Variants in PHGDH observed in about 807,000 individuals in gnomAD.
PHGDH encodes D-3-phosphoglycerate dehydrogenase.
Under a neutral mutation model 52.6 loss-of-function variants are expected in PHGDH, and 50 were observed. The observed-to-expected ratio is 0.95, with a 90% CI of 0.76 to 1.20. The LOEUF (loss-of-function observed/expected upper bound fraction) is 1.20. Among genes scored for constraint, PHGDH ranks in the 50% most tolerant of loss-of-function variants. PHGDH has a pLI of 0.00. For missense variants in PHGDH, 630 were observed against 684.6 expected (o/e 0.92, Z 0.89); for synonymous variants, 271 against 280.5 (o/e 0.97, Z 0.34).
Position 119,743,894 on chromosome 1 carries a change from G to A in PHGDH, c.1456G>A (p.Ala486Thr), listed in dbSNP as rs751189591. The change falls in exon 12 of 12, where the codon GCA becomes ACA. Residue 486 changes from alanine to threonine, a missense_variant. Transcript: ENST00000641023. ...AMLPTMIGLLAEAGVRLLSYQ... is the reference protein window; with the variant it reads ...AMLPTMIGLLTEAGVRLLSYQ... ...GTTTCTTCTATTTCCAGGCCTCCTG[G>A]CAGAGGCAGGCGTGCGGCTGCTGTC... 1.4e-5 allele frequency: 23 copies of A among 1,613,204 alleles called. No individual in the cohort carries two copies. The highest frequency in any genetic ancestry group is 1.9e-5 in the Non-Finnish European group (22 of 1,179,230).
chr1:119,738,484 T>G (rs1471066650), intron 8 of PHGDH, among the ~76,000 whole-genome samples: 2 of 152,236 alleles, frequency 1.3e-5, no homozygotes, highest in Non-Finnish European at 2.9e-5. Flanking sequence ...TCCTCTATGC[T>G]GTGTGGGCTC....
chr1:119,722,130 T>C (rs2101157254), intron 2 of PHGDH, among the ~76,000 whole-genome samples: 1 of 152,300 alleles, frequency 6.6e-6, no homozygotes, highest in South Asian at 2.1e-4. Flanking sequence ...ACAGCAGAAA[T>C]GTTAAACGAT....
At chr1:119,721,520 C>G (rs930943821) in intron 2 of PHGDH, 199 bp downstream of exon 2, 2 of 583,368 alleles carry the variant, frequency 3.4e-6, no homozygotes, top group South Asian at 4.3e-5. Flanking sequence ...CTATGCTCAC[C>G]ACTATATCAC....
intron 1 of PHGDH, among the ~76,000 whole-genome samples, chr1:119,716,255 A>G (rs1030789018): frequency 2.0e-5 from 3 of 152,166 alleles, no homozygotes; most frequent in Admixed American, 2.0e-4. Flanking sequence ...CCTGATGCTC[A>G]TCTGTAGGAG....
rs587610824 is a variant in PHGDH at position 119,734,863 on chromosome 1, G to A, written c.643+97G>A. ...GGCCTTCCCCAGACAGTGGTAACCAGCTGTGGGGAGAGGTCCACCTGGGTC... is the reference window on the plus strand; with the variant it reads ...GGCCTTCCCCAGACAGTGGTAACCAACTGTGGGGAGAGGTCCACCTGGGTC... On this transcript the variant is annotated intron_variant, in intron 6 of 11. Transcript: ENST00000641023. 2.1e-4 allele frequency: 291 copies of A among 1,359,094 alleles called. 2 individuals carry two copies. In the Admixed American group the frequency reaches 4.8e-3, roughly 22 times the overall value. 84.2% of individuals were successfully genotyped at this position (1,359,094 alleles called of 1,614,324 possible). A position where few individuals can be genotyped will look rare whatever the true frequency, so the allele number is the denominator to read the frequency against.
intron 11 of PHGDH, among the ~76,000 whole-genome samples, chr1:119,743,365 C>G (rs1386370450): frequency 6.6e-6 from 1 of 152,192 alleles, no homozygotes; most frequent in Non-Finnish European, 1.5e-5. Context: ...AGCCCAGGAG[C>G]TCAGGGACAT....
chr1:119,730,229 T>G (rs981188539), intron 5 of PHGDH, among the ~76,000 whole-genome samples: 1 of 152,194 alleles, frequency 6.6e-6, no homozygotes, highest in African/African-American at 2.4e-5. Flanking sequence ...AGACAGGAAA[T>G]GAGGATAAGT....
chr1:119,715,012 A>G (rs1409099098), intron 1 of PHGDH, among the ~76,000 whole-genome samples: 2 of 152,236 alleles, frequency 1.3e-5, no homozygotes, highest in African/African-American at 4.8e-5. Context: ...CTTGTTTGGA[A>G]CTCACATCTT....
At position 119,727,048 on chromosome 1, in the gene PHGDH, C is replaced by T; in HGVS notation, c.456C>T (p.Gly152=). The T allele has an allele frequency of 6.2e-7, 1 of 1,613,584 alleles. No homozygotes were observed. Among genetic ancestry groups the T allele is most frequent in the Non-Finnish European group, 8.5e-7 (1 of 1,179,478 alleles). ...ATGGAAAGACCCTGGGAATTCTTGG[C>T]CTGGGCAGGATTGGGAGAGAGGTAG... ...ELNGKTLGIL[G]LGRIGREVAT... is the part of the protein sequence containing the mutation. Residue 152 remains glycine, a synonymous_variant, in exon 5 of 12, where the codon GGC becomes GGT. Coordinates refer to ENST00000641023, the MANE Select transcript of PHGDH (RefSeq NM_006623.4).
chr1:119,719,555 C>T (rs1035091269), intron 1 of PHGDH: 1 of 152,228 alleles, frequency 6.6e-6, no homozygotes, highest in African/African-American at 2.4e-5. Context: ...TGCATAAACA[C>T]CTCCAGAGGA....
rs1178614508 is a variant in PHGDH at position 119,727,087 on chromosome 1, G to T, written c.495G>T (p.Gln165His). 1.2e-6 allele frequency: 2 copies of T among 1,600,026 alleles called. No homozygotes were observed. The highest frequency in any genetic ancestry group is 4.5e-5 in the East Asian group (2 of 44,826). Residue 165 changes from glutamine (Q) to histidine (H), a missense_variant, in exon 5 of 12, where the codon CAG becomes CAT. Coordinates refer to ENST00000641023, the MANE Select transcript of PHGDH (RefSeq NM_006623.4). ...GGAGAGAGGTAGCTACCCGGATGCA[G>T]TCCTTTGGGATGAAGGTAAGATGTT... ...RIGREVATRM[Q>H]SFGMKTIGYD...
intron 9 of PHGDH, among the ~76,000 whole-genome samples, chr1:119,741,214 C>T (rs1652192655): frequency 6.6e-6 from 1 of 152,148 alleles, no homozygotes; most frequent in Non-Finnish European, 1.5e-5. Context: ...CCCATGGACT[C>T]TTGGGTGTCT....
chr1:119,734,868 G>T, intron 6 of PHGDH, 102 bp downstream of exon 6: 1 of 1,321,486 alleles, frequency 7.6e-7, no homozygotes, highest in African/African-American at 1.4e-5. Context: ...AACCAGCTGT[G>T]GGGAGAGGTC....
intron 1 of PHGDH, chr1:119,714,458 T>C (rs1264054219): frequency 2.6e-5 from 4 of 152,220 alleles, no homozygotes; most frequent in Admixed American, 2.0e-4. Context: ...GTAGGAAATA[T>C]CAGACAGCAA....
intron 1 of PHGDH, among the ~76,000 whole-genome samples, chr1:119,714,993 A>T (rs587756912): frequency 6.6e-6 from 1 of 152,232 alleles, no homozygotes; most frequent in Non-Finnish European, 1.5e-5. Flanking sequence ...GCTTAAAATA[A>T]TAAAGCATCT....
chr1:119,741,281 C>T (rs187233135), intron 9 of PHGDH, among the ~76,000 whole-genome samples: 64 of 152,252 alleles, frequency 4.2e-4, no homozygotes, highest in Non-Finnish European at 1.3e-4. Context: ...ATTGACAATA[C>T]CAGGGAAGGG....
chr1:119,713,882 A>G (rs1454242495), intron 1 of PHGDH, among the ~76,000 whole-genome samples: 2 of 152,158 alleles, frequency 1.3e-5, no homozygotes, highest in Admixed American at 1.3e-4. Flanking sequence ...GGATGAGGGC[A>G]GAATTGAGAG....
At chr1:119,726,632 T>C in intron 3 of PHGDH, 1 of 607,770 alleles carries the variant, frequency 1.6e-6, no homozygotes, top group South Asian at 1.9e-5. Context: ...GCCTGGCTGG[T>C]CACAGAAATC....
At chr1:119,742,703 C>T in intron 10 of PHGDH, 104 bp from the exon 11 acceptor site, 1 of 765,254 alleles carries the variant, frequency 1.3e-6, no homozygotes, top group South Asian at 1.5e-5. Flanking sequence ...GCACATTATC[C>T]AGGCTGGAGC....
Sources: allele counts gnomAD v4.1 joint callset (sites outside exome capture counted in the v4.1 genomes callset), GRCh38; gene constraint gnomAD v4.1.1; transcripts MANE v1.5; gene names NCBI Gene and HGNC (gene_info 2026-07-23, HGNC 2026-07-21).